Variants in DMD observed in about 807,000 individuals in gnomAD.
DMD encodes mutant dystrophin.
In DMD, 63 loss-of-function variants were observed where a neutral mutation model predicts 330.1. That is an observed-to-expected ratio of 0.19 (90% CI 0.16 to 0.24). DMD has a LOEUF of 0.24. DMD is among the 10% of genes least tolerant of loss of function. The pLI is 1.00. For synonymous variants in DMD, 1,223 were observed against 959.8 expected, an observed-to-expected ratio of 1.27 and a Z score of -5.07; for missense variants, 3,344 against 2,684.1, an observed-to-expected ratio of 1.25 and a Z score of -5.43.
intron 7 of DMD, among the ~76,000 whole-genome samples, chrX:32,799,130 C>A (rs1252084918): frequency 1.8e-5 from 2 of 111,076 alleles, no homozygotes; most frequent in East Asian, 5.7e-4. Context: ...GCATTCACTC[C>A]AGGAGTAAAA....
intron 62 of DMD, among the ~76,000 whole-genome samples, chrX:31,311,507 A>G (rs1015030799): frequency 1.8e-5 from 2 of 111,302 alleles, no homozygotes; most frequent in African/African-American, 3.3e-5. Flanking sequence ...ATTGGTCTAT[A>G]TGTCTGTTTT....
intron 60 of DMD, among the ~76,000 whole-genome samples, chrX:31,363,648 G>C (rs1288065554): frequency 9.0e-6 from 1 of 111,613 alleles, no homozygotes; most frequent in Non-Finnish European, 1.9e-5. Flanking sequence ...AAAGTACTGG[G>C]ATTACAGGCG....
rs772351009 is a variant in DMD at position 31,332,130 on chromosome X, G to A, written c.9164-8472C>T. 2.9e-4 allele frequency among the ~76,000 whole-genome samples: 33 copies of A among 112,182 alleles called. No individual in the cohort carries two copies. The Middle Eastern group carries it at 0.018, about 63-fold the overall frequency. Reference sequence around the variant, plus strand: ...TGTGACTTGCTTTAGCAGATATGATGTGAACAGAGGCTTGTCACACTGGCA... The same window carrying A: ...TGTGACTTGCTTTAGCAGATATGATATGAACAGAGGCTTGTCACACTGGCA... On this transcript the variant is annotated intron_variant, in intron 61 of 78. Transcript: ENST00000357033.
At chrX:32,493,878 C>G (rs980170033) in intron 19 of DMD, among the ~76,000 whole-genome samples, 4 of 110,500 alleles carry the variant, frequency 3.6e-5, no homozygotes, top group Non-Finnish European at 7.6e-5. Flanking sequence ...GGTGAAACGT[C>G]AACATGAACC....
intron 62 of DMD, among the ~76,000 whole-genome samples, chrX:31,274,905 A>G (rs1180416191): frequency 4.5e-5 from 5 of 111,041 alleles, no homozygotes; most frequent in African/African-American, 1.6e-4. Flanking sequence ...ATTGTAATCC[A>G]GTTTTTTTTT....
chrX:32,749,108 C>T (rs990036598), intron 7 of DMD, among the ~76,000 whole-genome samples: 4 of 111,944 alleles, frequency 3.6e-5, no homozygotes, highest in Admixed American at 1.9e-4. Context: ...CGATTTCCCC[C>T]CTACCAAATT....
At chrX:31,732,617 T>C (rs763446778) in intron 51 of DMD, among the ~76,000 whole-genome samples, 1 of 111,118 alleles carries the variant, frequency 9.0e-6, no homozygotes, top group South Asian at 3.8e-4. Context: ...TCACCTCTAT[T>C]CCTTCGAGCC....
chrX:32,080,356 T>A (rs904772450), intron 44 of DMD, among the ~76,000 whole-genome samples: 1 of 112,275 alleles, frequency 8.9e-6, no homozygotes, highest in African/African-American at 3.2e-5. Context: ...ACTAAGCTGT[T>A]AAATGTCCAT....
intron 2 of DMD, among the ~76,000 whole-genome samples, chrX:33,010,699 T>A (rs2147649219): frequency 9.0e-6 from 1 of 111,514 alleles, no homozygotes; most frequent in African/African-American, 3.3e-5. Context: ...ACAAAATAAA[T>A]CCCAATTTAA....
At chrX:33,128,566 G>A (rs2095478918) in intron 1 of DMD, 1 of 592,385 alleles carries the variant, frequency 1.7e-6, no homozygotes, top group African/African-American at 2.4e-5. Flanking sequence ...ATTTATCTGA[G>A]TCTGAAGCAG....
rs778655795 is a variant in DMD, at chrX:32,890,776, C to A, written c.94-40956G>T. On this transcript the variant is annotated intron_variant, in intron 2 of 78. Coordinates refer to ENST00000357033, the MANE Select transcript of DMD (RefSeq NM_004006.3). The stretch of plus-strand genomic sequence containing the variant: ...TGGCTACTGAACATTTGAAATGGGA[C>A]TAGCATAACTGAGGAAGCCAAATTT... 5.7e-4 allele frequency among the ~76,000 whole-genome samples: 64 copies of A among 111,727 alleles called. 1 individual carries two copies. The highest frequency in any genetic ancestry group is 7.5e-5 in the Non-Finnish European group (4 of 53,178).
At chrX:32,123,936 T>G (rs1227747910) in intron 44 of DMD, among the ~76,000 whole-genome samples, 1 of 112,413 alleles carries the variant, frequency 8.9e-6, no homozygotes, top group Non-Finnish European at 1.9e-5. Flanking sequence ...ACAATTCACA[T>G]GTGTAATGAA....
chrX:32,212,257 C>T (rs2097096310), intron 44 of DMD, among the ~76,000 whole-genome samples: 1 of 111,866 alleles, frequency 8.9e-6, no homozygotes, highest in Admixed American at 9.5e-5. Flanking sequence ...AGAAATTATA[C>T]TACATAAAAA....
chrX:32,308,828 G>T (rs2097550219), intron 42 of DMD, among the ~76,000 whole-genome samples: 1 of 110,413 alleles, frequency 9.1e-6, no homozygotes, highest in East Asian at 2.9e-4. Context: ...CATGAACCTG[G>T]GAAGGAATGG....
chrX:32,982,870 ACT>A (rs1273699947), intron 2 of DMD, among the ~76,000 whole-genome samples: 2 of 111,392 alleles, frequency 1.8e-5, no homozygotes, highest in African/African-American at 6.5e-5. Context: ...AAGGGGAAAC[ACT>A]CTCTGTTCCT....
At chrX:32,896,331 A>T (rs988358920) in intron 2 of DMD, among the ~76,000 whole-genome samples, 1 of 111,990 alleles carries the variant, frequency 8.9e-6, no homozygotes, top group Non-Finnish European at 1.9e-5. Flanking sequence ...CTTTATGGAT[A>T]AAAATAGCCA....
At chrX:32,333,299 G>A (rs1016839182) in intron 41 of DMD, among the ~76,000 whole-genome samples, 1 of 111,477 alleles carries the variant, frequency 9.0e-6, no homozygotes, top group East Asian at 2.8e-4. Context: ...GCTAGTAAAC[G>A]GTTTCTGTGT....
intron 56 of DMD, 52 bp from the exon 57 acceptor site, chrX:31,496,996 T>C: frequency 2.6e-6 from 3 of 1,144,575 alleles, no homozygotes; most frequent in Non-Finnish European, 3.5e-6. Context: ...GTGTAATTGA[T>C]GATTCTAACA....
At chrX:32,206,799 AT>A in intron 44 of DMD, 1 of 395,614 alleles carries the variant, frequency 2.5e-6, no homozygotes, top group African/African-American at 2.5e-5. Context: ...GTAACAGTTG[AT>A]ATCTGGCTGT....
Sources: gnomAD v4.1 joint callset for allele counts (sites outside exome capture counted in the v4.1 genomes callset) on GRCh38, gnomAD v4.1.1 for gene constraint, MANE v1.5 for transcripts, NCBI Gene and HGNC (gene_info 2026-07-23, HGNC 2026-07-21) for gene names.